The following PCDHB6 variants were observed in gnomAD, a reference collection of about 807,000 sequenced individuals.
PCDHB6 encodes the protein protocadherin beta 6, also known as protocadherin beta-6.
For synonymous variants in PCDHB6, 506 were observed against 459.0 expected (o/e 1.10, Z -1.31); for missense variants, 1,137 against 1,010.1 (o/e 1.13, Z -1.70).
chr5:141,151,089 T>A lies in PCDHB6; in HGVS notation c.832T>A (p.Tyr278Asn). ...LDAGSFGKVSYALFQVDDVNQ... is the reference protein window; with the variant it reads ...LDAGSFGKVSNALFQVDDVNQ... ...TGCAGGATCGTTTGGGAAGGTATCT[T>A]ACGCCCTGTTTCAAGTCGATGACGT... Residue 278 changes from tyrosine to asparagine, a missense_variant, in exon 1 of 1, where the codon TAC becomes AAC. Coordinates refer to ENST00000231136, the MANE Select transcript of PCDHB6 (RefSeq NM_018939.4). 4 of 1,614,228 alleles carry A rather than the reference T, an allele frequency of 2.5e-6. No homozygotes were observed. Among genetic ancestry groups the A allele is most frequent in the Non-Finnish European group, 3.4e-6 (4 of 1,180,036 alleles).
Position 141,152,381 on chromosome 5 carries a change from G to A in PCDHB6, c.2124G>A (p.Ala708=), listed in dbSNP as rs375622168. 1.3e-5 allele frequency: 21 copies of A among 1,612,172 alleles called. No individual in the cohort carries two copies. The African/African-American group carries it at 1.3e-4, about 10-fold the overall frequency. ...TCTTTTCGGTGCTCCTGTTCGTGGC[G>A]GTGCGGCTGTGCAGGAGGAGCAGGG... ...LFLFSVLLFV[A]VRLCRRSRAA... The change falls in exon 1 of 1, where the codon GCG becomes GCA. Residue 708 remains alanine (A), a synonymous_variant. Transcript: ENST00000231136.
Position 141,150,343 on chromosome 5 carries a change from C to T in PCDHB6, c.86C>T (p.Ser29Leu). ...CTTTGGGGAGAGGTGGGTTCTGAAT[C>T]GATTCAGTATTCCGTATTGGAGGAG... Reference protein sequence around the residue: ...LMLWGEVGSESIQYSVLEETE... With the variant: ...LMLWGEVGSELIQYSVLEETE... Residue 29 changes from serine (S) to leucine (L), a missense_variant, in exon 1 of 1, where the codon TCG (serine) becomes TTG (leucine). By Grantham distance (145) the Ser-to-Leu change is moderately radical. Transcript: ENST00000231136. 6.2e-7 allele frequency: 1 copy of T among 1,614,068 alleles called. No individual in the cohort carries two copies. The highest frequency in any genetic ancestry group is 1.1e-5 in the South Asian group (1 of 91,084).
rs148637624 is a variant in PCDHB6 at position 141,152,156 on chromosome 5, A to T, written c.1899A>T (p.Ala633=). Reference sequence around the variant, plus strand: ...CCAGGCTGCTGAGCGAGCGAGACGCAGCCAAGCACAGGCTGGTGGTGCTTG... The same window carrying T: ...CCAGGCTGCTGAGCGAGCGAGACGCTGCCAAGCACAGGCTGGTGGTGCTTG... The part of the protein sequence containing the change: ...RTARLLSERD[A]AKHRLVVLVK... The change falls in exon 1 of 1, where the codon GCA becomes GCT. Residue 633 remains alanine (A), a synonymous_variant. Transcript: ENST00000231136. The T allele has an allele frequency of 1.2e-6, 2 of 1,608,184 alleles. No homozygotes were observed. The highest frequency in any genetic ancestry group is 4.5e-5 in the East Asian group (2 of 44,866).
At position 141,150,194 on chromosome 5, in the gene PCDHB6, C is replaced by A; in HGVS notation, c.-64C>A. On this transcript the variant is annotated 5_prime_UTR_variant, in exon 1 of 1. Transcript: ENST00000231136. ...TCTCTGCAAAGACATCCGAGAGGGT[C>A]GACGGTAGATGTGGTGATTGGGAGC... 2 of 1,272,696 alleles carry A rather than the reference C, an allele frequency of 1.6e-6. No homozygotes were observed. Among genetic ancestry groups the A allele is most frequent in the South Asian group, 1.4e-5 (1 of 71,024 alleles). 78.8% of individuals were successfully genotyped at this position (1,272,696 alleles called of 1,614,324 possible). A position where few individuals can be genotyped will look rare whatever the true frequency, so the allele number is the denominator to read the frequency against.
At position 141,150,973 on chromosome 5, in the gene PCDHB6, C is replaced by T; in HGVS notation, c.716C>T (p.Pro239Leu). 1 of 1,614,182 alleles carries T rather than the reference C, an allele frequency of 6.2e-7. No homozygotes were observed. The highest frequency in any genetic ancestry group is 8.5e-7 in the Non-Finnish European group (1 of 1,180,034). Residue 239 changes from proline (P) to leucine (L), a missense_variant, in exon 1 of 1, where the codon CCC (proline) becomes CTC (leucine). By Grantham distance (98) the Pro-to-Leu change is moderately conservative. Transcript: ENST00000231136. ...IQVLDINDNV[P>L]EFAQELYEAQ... ...GTTTTGGACATCAATGACAACGTCC[C>T]CGAGTTTGCTCAGGAGCTCTATGAA...
chr5:141,151,378 G>C lies in PCDHB6; in HGVS notation c.1121G>C (p.Gly374Ala). ...AVFSVSDADS[G>A]HNQQVICSIE... ...TTCAGTGTTTCAGATGCAGACTCTG[G>C]ACATAACCAACAGGTTATTTGTTCA... Residue 374 changes from glycine to alanine, a missense_variant, in exon 1 of 1, where the codon GGA becomes GCA. Transcript: ENST00000231136. The C allele has an allele frequency of 1.9e-6, 3 of 1,614,068 alleles. No homozygotes were observed. The highest frequency in any genetic ancestry group is 2.5e-6 in the Non-Finnish European group (3 of 1,180,004).
In PCDHB6 at chr5:141,150,730, A is replaced by AT; in HGVS notation, c.476dup (p.Leu159PhefsTer78). On this transcript the variant is annotated frameshift_variant, in exon 1 of 1. Transcript: ENST00000231136. LOFTEE classifies it low-confidence loss of function (END_TRUNC). ...ATATTTCCTTTGAAAATGGCACACG[A>AT]TTTAGACACCGGCAGCAACGGCCTT... is the stretch of plus-strand genomic sequence containing the variant. The AT allele has an allele frequency of 6.2e-7, 1 of 1,614,230 alleles. No individual in the cohort carries two copies. The highest frequency in any genetic ancestry group is 8.5e-7 in the Non-Finnish European group (1 of 1,180,024).
rs1554277724 is a variant in PCDHB6, at chr5:141,151,552, A to G, written c.1295A>G (p.Gln432Arg). The G allele has an allele frequency of 1.9e-6, 3 of 1,614,172 alleles. No homozygotes were observed. The East Asian group carries it at 6.7e-5, about 36-fold the overall frequency. ...TTGGGGACACCAAGGCTGAAAACCC[A>G]GCAGAGCATAACTGTGCAGGTCTCC... The part of the protein sequence containing the change: ...TDLGTPRLKT[Q>R]QSITVQVSDV... The change falls in exon 1 of 1, where the codon CAG (glutamine) becomes CGG (arginine). Residue 432 changes from glutamine to arginine, a missense_variant. Physicochemically the swap from Gln to Arg is conservative, Grantham distance 43. Coordinates refer to ENST00000231136, the MANE Select transcript of PCDHB6 (RefSeq NM_018939.4).
In PCDHB6 at chr5:141,151,665, A is replaced by T. The variant is rs782330858; in HGVS notation, c.1408A>T (p.Ser470Cys). ...ENNSPALHIG[S>C]VSATDRDSGI... ...CAACAGCCCCGCCCTGCACATCGGC[A>T]GCGTCAGCGCCACAGACAGAGACTC... Residue 470 changes from serine (S) to cysteine (C), a missense_variant, in exon 1 of 1, where the codon AGC becomes TGC. Physicochemically the swap from Ser to Cys is moderately radical, Grantham distance 112. Transcript: ENST00000231136. The T allele has an allele frequency of 9.3e-6, 15 of 1,613,342 alleles. No individual in the cohort carries two copies. The highest frequency in any genetic ancestry group is 1.1e-5 in the Non-Finnish European group (13 of 1,180,032).
In PCDHB6 at chr5:141,151,653, C is replaced by G; in HGVS notation, c.1396C>G (p.Leu466Val). The G allele has an allele frequency of 1.9e-6, 3 of 1,613,502 alleles. No homozygotes were observed. Among genetic ancestry groups the G allele is most frequent in the Non-Finnish European group, 1.7e-6 (2 of 1,180,046 alleles). The change falls in exon 1 of 1, where the codon CTG (leucine) becomes GTG (valine). Residue 466 changes from leucine (L) to valine (V), a missense_variant. Coordinates refer to ENST00000231136, the MANE Select transcript of PCDHB6 (RefSeq NM_018939.4). ...CGTCCGCGAGAACAACAGCCCCGCC[C>G]TGCACATCGGCAGCGTCAGCGCCAC... is the stretch of plus-strand genomic sequence containing the variant. ...LFVRENNSPA[L>V]HIGSVSATDR... is the part of the protein sequence containing the mutation.
At position 141,151,949 on chromosome 5, in the gene PCDHB6, G is replaced by A; in HGVS notation, c.1692G>A (p.Gln564=). 6.2e-7 allele frequency: 1 copy of A among 1,610,970 alleles called. No homozygotes were observed. The highest frequency in any genetic ancestry group is 8.5e-7 in the Non-Finnish European group (1 of 1,179,658). Residue 564 remains glutamine, a synonymous_variant, in exon 1 of 1, where the codon CAG becomes CAA. Coordinates refer to ENST00000231136, the MANE Select transcript of PCDHB6 (RefSeq NM_018939.4). ...DNSPFVLYPL[Q]NGSAPCTELV... ...CGCCCTTCGTGTTGTACCCGCTGCA[G>A]AACGGCTCCGCGCCCTGCACCGAGC...
rs1277962079 is a variant in PCDHB6 at position 141,150,113 on chromosome 5, A to T, written c.-145A>T. 1 of 635,862 alleles carries T rather than the reference A, an allele frequency of 1.6e-6. No individual in the cohort carries two copies. The highest frequency in any genetic ancestry group is 1.8e-5 in the African/African-American group (1 of 54,540). 39.4% of individuals were successfully genotyped at this position (635,862 alleles called of 1,614,324 possible). On this transcript the variant is annotated 5_prime_UTR_variant, in exon 1 of 1. Transcript: ENST00000231136. ...CCACGTTTACAGCTAAAGCTGAGAT[A>T]GATGTGTCCGGGAAGGCAGTCGTCG...
Position 141,152,602 on chromosome 5 carries a change from A to C in PCDHB6, c.2345A>C (p.Glu782Ala). 2.5e-6 allele frequency: 4 copies of C among 1,610,342 alleles called. No individual in the cohort carries two copies. The highest frequency in any genetic ancestry group is 3.4e-6 in the Non-Finnish European group (4 of 1,177,468). Reference protein sequence around the residue: ...FPPQGTEREMEETPTSRNSFP... With the variant: ...FPPQGTEREMAETPTSRNSFP... Reference sequence around the variant, plus strand: ...CCTCAGGGCACTGAGAGAGAAATGGAAGAAACCCCCACCTCTCGGAATAGC... The same window carrying C: ...CCTCAGGGCACTGAGAGAGAAATGGCAGAAACCCCCACCTCTCGGAATAGC... Residue 782 changes from glutamate (E) to alanine (A), a missense_variant, in exon 1 of 1, where the codon GAA (glutamate) becomes GCA (alanine). Glu to Ala is a moderately radical substitution (Grantham distance 107). Transcript: ENST00000231136.
rs1251423870 is a variant in PCDHB6 at position 141,150,613 on chromosome 5, C to T, written c.356C>T (p.Ser119Phe). ...AACCCCTTGCAGTTTTTTCAGGCTT[C>T]CTTGCGAGTCAGAGATATAAATGAC... Reference protein sequence around the residue: ...LENPLQFFQASLRVRDINDHA... With the variant: ...LENPLQFFQAFLRVRDINDHA... The change falls in exon 1 of 1, where the codon TCC (serine) becomes TTC (phenylalanine). Residue 119 changes from serine to phenylalanine, a missense_variant. Ser to Phe is a radical substitution (Grantham distance 155). Coordinates refer to ENST00000231136, the MANE Select transcript of PCDHB6 (RefSeq NM_018939.4). The T allele has an allele frequency of 6.2e-7, 1 of 1,614,146 alleles. No individual in the cohort carries two copies. Among genetic ancestry groups the T allele is most frequent in the East Asian group, 2.2e-5 (1 of 44,888 alleles).
In PCDHB6 at chr5:141,150,729, G is replaced by A. The variant is rs1588333493; in HGVS notation, c.472G>A (p.Asp158Asn). The change falls in exon 1 of 1, where the codon GAT (aspartate) becomes AAT (asparagine). Residue 158 changes from aspartate to asparagine, a missense_variant. Physicochemically the swap from Asp to Asn is conservative, Grantham distance 23. Coordinates refer to ENST00000231136, the MANE Select transcript of PCDHB6 (RefSeq NM_018939.4). ...GKIFPLKMAH[D>N]LDTGSNGLQR... ...GATATTTCCTTTGAAAATGGCACACGATTTAGACACCGGCAGCAACGGCCT... is the reference window on the plus strand; with the variant it reads ...GATATTTCCTTTGAAAATGGCACACAATTTAGACACCGGCAGCAACGGCCT... The A allele has an allele frequency of 6.2e-7, 1 of 1,614,184 alleles. No individual in the cohort carries two copies. The highest frequency in any genetic ancestry group is 8.5e-7 in the Non-Finnish European group (1 of 1,180,040).
In PCDHB6 at chr5:141,152,730, T is replaced by G; in HGVS notation, c.*88T>G. ...TGGTCTGTTTCTTGTTTATTTTACCTCTATTCTTTAGGTTGAAATTTTATA... is the reference window on the plus strand; with the variant it reads ...TGGTCTGTTTCTTGTTTATTTTACCGCTATTCTTTAGGTTGAAATTTTATA... On this transcript the variant is annotated 3_prime_UTR_variant, in exon 1 of 1. Coordinates refer to ENST00000231136, the MANE Select transcript of PCDHB6 (RefSeq NM_018939.4). The G allele has an allele frequency of 8.2e-7, 1 of 1,222,212 alleles. No individual in the cohort carries two copies. 75.7% of individuals were successfully genotyped at this position (1,222,212 alleles called of 1,614,324 possible).
Position 141,150,885 on chromosome 5 carries a change from A to G in PCDHB6, c.628A>G (p.Thr210Ala). ...DREEQPQLRL[T>A]LIALDGGSPP... ...CGAGGAGCAGCCCCAACTCAGGCTAACGCTGATCGCGCTGGATGGCGGGTC... is the reference window on the plus strand; with the variant it reads ...CGAGGAGCAGCCCCAACTCAGGCTAGCGCTGATCGCGCTGGATGGCGGGTC... The change falls in exon 1 of 1, where the codon ACG becomes GCG. Residue 210 changes from threonine (T) to alanine (A), a missense_variant. Coordinates refer to ENST00000231136, the MANE Select transcript of PCDHB6 (RefSeq NM_018939.4). 1 of 1,614,180 alleles carries G rather than the reference A, an allele frequency of 6.2e-7. No individual in the cohort carries two copies.
rs782115427 is a variant in PCDHB6, at chr5:141,151,970, C to G, written c.1713C>G (p.Thr571=). 7 of 1,610,022 alleles carry G rather than the reference C, an allele frequency of 4.3e-6. No homozygotes were observed. Among genetic ancestry groups the G allele is most frequent in the Non-Finnish European group, 5.9e-6 (7 of 1,179,608 alleles). The change falls in exon 1 of 1, where the codon ACC becomes ACG. Residue 571 remains threonine (T), a synonymous_variant. Transcript: ENST00000231136. ...YPLQNGSAPC[T]ELVPRAAEPG... is the part of the protein sequence containing the mutation. ...TGCAGAACGGCTCCGCGCCCTGCAC[C>G]GAGCTGGTGCCCCGGGCGGCCGAGC...
In PCDHB6 at chr5:141,152,484, C is replaced by T; in HGVS notation, c.2227C>T (p.Leu743=). ...HLVDVSGTGT[L]SQSYQYKVCL... ...GGTGGATGTGAGCGGCACCGGGACC[C>T]TATCCCAGAGCTACCAGTACAAGGT... The change falls in exon 1 of 1, where the codon CTA becomes TTA. Residue 743 remains leucine, a synonymous_variant. Transcript: ENST00000231136. 3 of 1,614,122 alleles carry T rather than the reference C, an allele frequency of 1.9e-6. No homozygotes were observed. The highest frequency in any genetic ancestry group is 2.5e-6 in the Non-Finnish European group (3 of 1,180,032).
Sources: gnomAD v4.1 joint callset for allele counts on GRCh38, gnomAD v4.1.1 for gene constraint, MANE v1.5 for transcripts, NCBI Gene and HGNC (gene_info 2026-07-23, HGNC 2026-07-21) for gene names.